DROSHA: variants seen among roughly 807,000 people sequenced by gnomAD.
DROSHA encodes drosha ribonuclease III, also known as ribonuclease 3.
Under a neutral mutation model 181.9 loss-of-function variants are expected in DROSHA, and 56 were observed. The observed-to-expected ratio is 0.31, with a 90% CI of 0.25 to 0.38. The LOEUF (loss-of-function observed/expected upper bound fraction) is 0.38. DROSHA is among the 10% of genes least tolerant of loss of function. DROSHA has a pLI of 1.00. For synonymous variants in DROSHA, 524 were observed against 591.2 expected (o/e 0.89, Z 1.65); for missense variants, 1,218 against 1,743.5 (o/e 0.70, Z 5.37).
chr5:31,493,947 G>C (rs1250840334), intron 12 of DROSHA, among the ~76,000 whole-genome samples: 46 of 43,084 alleles, frequency 1.1e-3, no homozygotes, highest in East Asian at 3.6e-3. Context: ...TTGTGTGTGT[G>C]TGTGTGTGTG....
At chr5:31,427,199 G>A (rs1743577570) in intron 27 of DROSHA, among the ~76,000 whole-genome samples, 2 of 152,130 alleles carry the variant, frequency 1.3e-5, no homozygotes. Flanking sequence ...CAGAGGTACT[G>A]GGACAGCTGT....
rs372451788 is a variant in DROSHA, at chr5:31,410,906, G to A, written c.3526-19C>T. 67 of 1,613,138 alleles carry A rather than the reference G, an allele frequency of 4.2e-5. No homozygotes were observed. Among genetic ancestry groups the A allele is most frequent in the East Asian group, 1.1e-4 (5 of 44,880 alleles). On this transcript the variant is annotated intron_variant, in intron 30 of 35. Coordinates refer to ENST00000344624, the MANE Select transcript of DROSHA (RefSeq NM_001382508.1). ...GCAACAACTGCCCAAAAGGAATGGC[G>A]GTACATTGAGAACACATTTCACTTT...
chr5:31,451,763 G>A lies in DROSHA; in HGVS notation c.2575-123C>T, dbSNP rs1747066896. On this transcript the variant is annotated intron_variant, in intron 20 of 35. Transcript: ENST00000344624. The stretch of plus-strand genomic sequence containing the variant: ...TTCCATCTCACTAAGTCCTGAAACA[G>A]CTTATTGGCTGCATGGCATTCTGGA... 4.3e-6 allele frequency: 3 copies of A among 701,190 alleles called. No homozygotes were observed. In the African/African-American group the frequency reaches 5.4e-5, roughly 13 times the overall value. The allele number at this position is 701,190 out of a possible 1,614,324, so 43.4% of individuals were successfully genotyped here.
intron 6 of DROSHA, among the ~76,000 whole-genome samples, chr5:31,518,690 C>CATATT (rs1739536804): frequency 1.3e-5 from 2 of 152,158 alleles, no homozygotes. Context: ...GCCTAGGAGG[C>CATATT]AGATATTAAC....
intron 29 of DROSHA, among the ~76,000 whole-genome samples, chr5:31,422,388 ATAAAG>A (rs1399758111): frequency 6.6e-6 from 1 of 152,194 alleles, no homozygotes; most frequent in Non-Finnish European, 1.5e-5. Flanking sequence ...GTTTCTAAGA[ATAAAG>A]TTTTACTGGA....
At chr5:31,493,367 CAG>C in intron 12 of DROSHA, 74 bp from the exon 13 acceptor site, 1 of 1,333,190 alleles carries the variant, frequency 7.5e-7, no homozygotes, top group South Asian at 1.4e-5. Context: ...TCCATCAGGA[CAG>C]AAAGTAACCA....
At chr5:31,463,049 G>A (rs1021575361) in intron 20 of DROSHA, among the ~76,000 whole-genome samples, 2 of 152,074 alleles carry the variant, frequency 1.3e-5, no homozygotes, top group African/African-American at 4.8e-5. Flanking sequence ...CATTACATTG[G>A]TTTTGGGGAA....
chr5:31,406,236 G>A (rs1740636020), intron 34 of DROSHA, among the ~76,000 whole-genome samples: 2 of 152,124 alleles, frequency 1.3e-5, no homozygotes, highest in Non-Finnish European at 2.9e-5. Flanking sequence ...GCTGGACACA[G>A]TGAACTCATA....
chr5:31,464,327 A>G lies in DROSHA; in HGVS notation c.2483T>C (p.Ile828Thr). The part of the protein sequence containing the change: ...LAQREEALQK[I>T]RQKNTMRREV... ...TCGTCTCATTGTATTCTTCTGCCGTATTTTTTGGAGGGCTTCCTAGAAAAG... is the reference window on the plus strand; with the variant it reads ...TCGTCTCATTGTATTCTTCTGCCGTGTTTTTTGGAGGGCTTCCTAGAAAAG... Residue 828 changes from isoleucine to threonine, a missense_variant, in exon 20 of 36, where the codon ATA (isoleucine) becomes ACA (threonine). Transcript: ENST00000344624. 1 of 1,613,026 alleles carries G rather than the reference A, an allele frequency of 6.2e-7. No homozygotes were observed. Among genetic ancestry groups the G allele is most frequent in the Non-Finnish European group, 8.5e-7 (1 of 1,179,498 alleles).
chr5:31,442,780 C>G (rs1249288677), intron 23 of DROSHA, among the ~76,000 whole-genome samples: 1 of 151,792 alleles, frequency 6.6e-6, no homozygotes, highest in African/African-American at 2.4e-5. Context: ...GAACTTCTAC[C>G]CAACTTAGGA....
intron 17 of DROSHA, 116 bp downstream of exon 17, chr5:31,471,947 G>T: frequency 2.1e-6 from 2 of 953,254 alleles, no homozygotes; most frequent in Non-Finnish European, 2.9e-6. Context: ...ATTATCCAAG[G>T]ACAAGAGCAG....
chr5:31,412,620 G>A (rs1485407788), intron 30 of DROSHA, among the ~76,000 whole-genome samples: 4 of 152,180 alleles, frequency 2.6e-5, no homozygotes, highest in Non-Finnish European at 1.5e-5. Flanking sequence ...CATGCTTGCT[G>A]TTGAATTTCA....
chr5:31,491,484 C>T (rs2150042100), intron 13 of DROSHA, among the ~76,000 whole-genome samples: 1 of 152,130 alleles, frequency 6.6e-6, no homozygotes, highest in Non-Finnish European at 1.5e-5. Flanking sequence ...TAAGGTGATC[C>T]TAAAAGTCAA....
Position 31,495,034 on chromosome 5 carries a change from T to A in DROSHA, c.1755+252A>T, listed in dbSNP as rs956233106. Among the ~76,000 whole-genome samples the A allele has an allele frequency of 6.6e-5, 10 of 152,194 alleles. No individual in the cohort carries two copies. In the South Asian group the frequency reaches 2.1e-3, roughly 32 times the overall value. On this transcript the variant is annotated intron_variant, in intron 12 of 35. Coordinates refer to ENST00000344624, the MANE Select transcript of DROSHA (RefSeq NM_001382508.1). ...CTATATTTTCTTCCCACTCCATAGC[T>A]CCAACATTGTTGGCTATTATGAATT... is the stretch of plus-strand genomic sequence containing the variant.
chr5:31,488,004 A>G (rs1751977946), intron 13 of DROSHA, among the ~76,000 whole-genome samples: 1 of 152,366 alleles, frequency 6.6e-6, no homozygotes, highest in East Asian at 1.9e-4. Flanking sequence ...GCATGTAAGT[A>G]AATACAAAAA....
chr5:31,498,424 A>G (rs1484665767), intron 11 of DROSHA, among the ~76,000 whole-genome samples: 1 of 152,234 alleles, frequency 6.6e-6, no homozygotes, highest in African/African-American at 2.4e-5. Context: ...TGGGGAAATT[A>G]ATCTGAGAAC....
chr5:31,502,574 T>C (rs1377647287), intron 11 of DROSHA, among the ~76,000 whole-genome samples: 2 of 151,898 alleles, frequency 1.3e-5, no homozygotes, highest in Non-Finnish European at 2.9e-5. Context: ...AAGGCAGGAG[T>C]GGTACTGCCA....
rs1370683439 is a variant in DROSHA, at chr5:31,416,973, T to C, written c.3525+4299A>G. Among the ~76,000 whole-genome samples, 4 of 152,326 alleles carry C rather than the reference T, an allele frequency of 2.6e-5. No homozygotes were observed. In the East Asian group the frequency reaches 5.8e-4, roughly 22 times the overall value. On this transcript the variant is annotated intron_variant, in intron 30 of 35. Transcript: ENST00000344624. ...AAACAAACAAAAACCCTGGCCTTCA[T>C]GGAGTTTACACTCTGATTGGAGAAG...
intron 5 of DROSHA, among the ~76,000 whole-genome samples, chr5:31,522,481 AT>A (rs1344915240): frequency 6.6e-6 from 1 of 152,148 alleles, no homozygotes; most frequent in African/African-American, 2.4e-5. Context: ...AGCCAATAGA[AT>A]TTTGCATTTA....
Sources: gnomAD v4.1 joint callset for allele counts (sites outside exome capture counted in the v4.1 genomes callset) on GRCh38, gnomAD v4.1.1 for gene constraint, MANE v1.5 for transcripts, NCBI Gene and HGNC (gene_info 2026-07-23, HGNC 2026-07-21) for gene names.